Variants in NRXN1 observed in about 807,000 individuals in gnomAD.
NRXN1 encodes the protein neurexin 1.
Under a neutral mutation model 150.9 loss-of-function variants are expected in NRXN1, and 39 were observed. That is an observed-to-expected ratio of 0.26 (90% CI 0.20 to 0.34). The LOEUF is 0.34. Among genes scored for constraint, NRXN1 ranks in the 10% least tolerant of loss-of-function variants. NRXN1 has a pLI of 1.00. For missense variants in NRXN1, 1,815 were observed against 1,949.9 expected (o/e 0.93, Z 1.30); for synonymous variants, 924 against 757.0 (o/e 1.22, Z -3.62).
intron 12 of NRXN1, among the ~76,000 whole-genome samples, chr2:50,524,617 G>T (rs769968566): frequency 2.6e-5 from 4 of 151,990 alleles, no homozygotes; most frequent in Admixed American, 6.6e-5. Context: ...AGAATAGAAA[G>T]CATAAGAAAA....
intron 18 of NRXN1, chr2:50,185,602 T>A (rs1346680029): frequency 2.6e-5 from 4 of 152,058 alleles, no homozygotes; most frequent in African/African-American, 9.7e-5. Flanking sequence ...TCCTGCCTTG[T>A]CTAGCATCTG....
intron 19 of NRXN1, among the ~76,000 whole-genome samples, chr2:50,067,946 C>T (rs1695609248): frequency 6.6e-6 from 1 of 152,158 alleles, no homozygotes; most frequent in African/African-American, 2.4e-5. Flanking sequence ...AATTTCTACA[C>T]TCCATTATCA....
chr2:50,136,144 C>A (rs148653341), intron 18 of NRXN1, among the ~76,000 whole-genome samples: 2 of 152,184 alleles, frequency 1.3e-5, no homozygotes, highest in East Asian at 1.9e-4. Context: ...TTACTTTCTC[C>A]CTTCATAAAA....
intron 8 of NRXN1, among the ~76,000 whole-genome samples, chr2:50,565,235 T>C (rs923514560): frequency 5.3e-5 from 8 of 151,904 alleles, no homozygotes; most frequent in Non-Finnish European, 8.8e-5. Flanking sequence ...GATGACAGTA[T>C]GCATACATTT....
At chr2:50,716,726 T>C (rs764109640) in intron 5 of NRXN1, among the ~76,000 whole-genome samples, 26 of 152,184 alleles carry the variant, frequency 1.7e-4, no homozygotes, top group Non-Finnish European at 1.3e-4. Context: ...TAACAATTGT[T>C]ACAATTTAGT....
Position 50,701,900 on chromosome 2 carries a change from C to A in NRXN1, c.833-78285G>T, listed in dbSNP as rs551649793. On this transcript the variant is annotated intron_variant, in intron 5 of 22. Transcript: ENST00000401669. ...TTTTTACTATAAGAATAATTTGTAA[C>A]CAGTCCCTCATAGGATCTCAGTGCT... Among the ~76,000 whole-genome samples the A allele has an allele frequency of 4.5e-4, 68 of 152,206 alleles. No individual in the cohort carries two copies. In the Middle Eastern group the frequency reaches 0.014, roughly 30 times the overall value.
chr2:50,879,063 C>G (rs1679039958), intron 5 of NRXN1, among the ~76,000 whole-genome samples: 1 of 151,890 alleles, frequency 6.6e-6, no homozygotes, highest in Non-Finnish European at 1.5e-5. Context: ...ATGTAACTGG[C>G]ATCTAAATCA....
chr2:51,030,357 T>G (rs1671299353), intron 1 of NRXN1, among the ~76,000 whole-genome samples: 1 of 151,856 alleles, frequency 6.6e-6, no homozygotes, highest in South Asian at 2.1e-4. Context: ...CCTTACAAGC[T>G]GAAACTAGCA....
At chr2:50,966,400 G>C (rs1694087615) in intron 2 of NRXN1, among the ~76,000 whole-genome samples, 1 of 151,450 alleles carries the variant, frequency 6.6e-6, no homozygotes. Context: ...TAGCCTGTAG[G>C]TCTGGCCTGT....
At chr2:51,007,163 A>G (rs954269188) in intron 2 of NRXN1, among the ~76,000 whole-genome samples, 1 of 151,952 alleles carries the variant, frequency 6.6e-6, no homozygotes, top group Admixed American at 6.6e-5. Flanking sequence ...TCAAAATTCT[A>G]TTTTGTAACA....
At chr2:50,086,061 T>C (rs1698734362) in intron 19 of NRXN1, among the ~76,000 whole-genome samples, 1 of 152,174 alleles carries the variant, frequency 6.6e-6, no homozygotes, top group South Asian at 2.1e-4. Context: ...GTTTGATAAA[T>C]GAAGGACGTG....
intron 17 of NRXN1, among the ~76,000 whole-genome samples, chr2:50,244,190 A>C (rs1345127201): frequency 6.6e-6 from 1 of 151,890 alleles, no homozygotes; most frequent in Non-Finnish European, 1.5e-5. Flanking sequence ...CATGAAAATA[A>C]AGTATTCATT....
At chr2:50,320,265 T>G in intron 17 of NRXN1, among the ~76,000 whole-genome samples, 1 of 121,740 alleles carries the variant, frequency 8.2e-6, no homozygotes, top group East Asian at 2.8e-4. Context: ...AGGTATTCAT[T>G]TATTCTTATA....
chr2:50,568,429 C>T (rs1392276760), intron 8 of NRXN1, among the ~76,000 whole-genome samples: 1 of 151,880 alleles, frequency 6.6e-6, no homozygotes, highest in Non-Finnish European at 1.5e-5. Flanking sequence ...ATGCAGAAGT[C>T]CAAACAACTA....
chr2:50,317,891 C>T (rs1235577816), intron 17 of NRXN1, among the ~76,000 whole-genome samples: 2 of 151,958 alleles, frequency 1.3e-5, no homozygotes, highest in African/African-American at 4.8e-5. Context: ...GTTGTAACCT[C>T]AGCTATTCAT....
At chr2:50,005,349 G>A (rs1475404605) in intron 21 of NRXN1, among the ~76,000 whole-genome samples, 1 of 152,146 alleles carries the variant, frequency 6.6e-6, no homozygotes, top group Non-Finnish European at 1.5e-5. Flanking sequence ...TTCTGCAAAT[G>A]TTAAAAATTG....
At position 50,512,724 on chromosome 2, in the gene NRXN1, T is replaced by C. The variant is rs2092496110; in HGVS notation, c.2375-6107A>G. 2.0e-5 allele frequency among the ~76,000 whole-genome samples: 3 copies of C among 152,192 alleles called. No individual in the cohort carries two copies. The South Asian group carries it at 6.2e-4, about 32-fold the overall frequency. Reference sequence around the variant, plus strand: ...CAAAGTCAGAGAGGGTAAACATTCTTTGACCTTTGCATATCATTCCTTTCC... The same window carrying C: ...CAAAGTCAGAGAGGGTAAACATTCTCTGACCTTTGCATATCATTCCTTTCC... On this transcript the variant is annotated intron_variant, in intron 12 of 22. Transcript: ENST00000401669.
At chr2:50,619,936 C>T (rs1006168571) in intron 8 of NRXN1, 86 bp downstream of exon 8, 17 of 1,233,752 alleles carry the variant, frequency 1.4e-5, no homozygotes, top group African/African-American at 4.5e-5. Flanking sequence ...TCTGGAACAT[C>T]GGGTCTTCAG....
At chr2:50,285,405 C>T (rs533293022) in intron 17 of NRXN1, among the ~76,000 whole-genome samples, 3 of 152,220 alleles carry the variant, frequency 2.0e-5, no homozygotes, top group East Asian at 1.9e-4. Flanking sequence ...CATAGCAGGG[C>T]GCAGTCACAC....
Sources: gnomAD v4.1 joint callset for allele counts (sites outside exome capture counted in the v4.1 genomes callset) on GRCh38, gnomAD v4.1.1 for gene constraint, MANE v1.5 for transcripts, NCBI Gene and HGNC (gene_info 2026-07-23, HGNC 2026-07-21) for gene names.